Variants in C9orf78 observed in about 807,000 individuals in gnomAD.
C9orf78 encodes the protein splicing factor C9orf78.
C9orf78 carries 19 observed loss-of-function variants against 37.4 expected under a neutral mutation model. That is an observed-to-expected ratio of 0.51 (90% CI 0.35 to 0.74). The LOEUF (loss-of-function observed/expected upper bound fraction) is 0.74. Ranked by LOEUF, C9orf78 falls within the 30% of genes least tolerant of loss-of-function variation. C9orf78 has a pLI of 0.01. For synonymous variants in C9orf78, 130 were observed against 128.0 expected, an observed-to-expected ratio of 1.02 and a Z score of -0.10; for missense variants, 291 against 370.8, an observed-to-expected ratio of 0.78 and a Z score of 1.77.
intron 4 of C9orf78, among the ~76,000 whole-genome samples, chr9:129,833,019 A>ATATG (rs1480479084): frequency 2.6e-4 from 39 of 148,510 alleles, no homozygotes; most frequent in African/African-American, 9.2e-4. Context: ...GTGTGTGTAT[A>ATATG]TGTGTATATA....
chr9:129,829,282 G>A lies in C9orf78; in HGVS notation c.701C>T (p.Ala234Val), dbSNP rs139248631. 117 of 1,609,680 alleles carry A rather than the reference G, an allele frequency of 7.3e-5. No individual in the cohort carries two copies. Among genetic ancestry groups the A allele is most frequent in the African/African-American group, 8.0e-5 (6 of 74,622 alleles). ...CTCTTCTTTGTTTCTCCGTATGGGC[G>A]CGTTGAGCTCCTCATGATAAACTGG... is the stretch of plus-strand genomic sequence containing the variant. ...HNRFYHEELNAPIRRNKEEPK... is the reference protein window; with the variant it reads ...HNRFYHEELNVPIRRNKEEPK... Residue 234 changes from alanine to valine, a missense_variant, in exon 8 of 9, where the codon GCG becomes GTG. Coordinates refer to ENST00000372447, the MANE Select transcript of C9orf78 (RefSeq NM_016520.3).
At chr9:129,835,110 A>G in intron 1 of C9orf78, 29 bp downstream of exon 1, 1 of 1,548,886 alleles carries the variant, frequency 6.5e-7, no homozygotes, top group South Asian at 1.1e-5. Context: ...ATCTTTACCA[A>G]GCCTATGGGA....
At chr9:129,833,891 G>C (rs2031595473) in intron 2 of C9orf78, 182 bp from the exon 3 acceptor site, 3 of 597,600 alleles carry the variant, frequency 5.0e-6, no homozygotes, top group Non-Finnish European at 8.9e-6. Context: ...GAGCACCGCA[G>C]ATGCTGGAAG....
chr9:129,829,220 T>C lies in C9orf78; in HGVS notation c.763A>G (p.Lys255Glu). ...TTGCACTCACGCTCAGGCTCTGGCT[T>C]CTCCGTGTCACCTACTCTCAAGGGC... ...ARPLRVGDTE[K>E]PEPERSPPNR... is the part of the protein sequence containing the mutation. Residue 255 changes from lysine (K) to glutamate (E), a missense_variant, in exon 8 of 9, where the codon AAG becomes GAG. By Grantham distance (56) the Lys-to-Glu change is moderately conservative. Coordinates refer to ENST00000372447, the MANE Select transcript of C9orf78 (RefSeq NM_016520.3). The C allele has an allele frequency of 6.2e-7, 1 of 1,613,498 alleles. No individual in the cohort carries two copies. Among genetic ancestry groups the C allele is most frequent in the South Asian group, 1.1e-5 (1 of 91,052 alleles).
intron 2 of C9orf78, 81 bp downstream of exon 2, chr9:129,834,626 G>A: frequency 3.2e-6 from 3 of 935,202 alleles, no homozygotes; most frequent in South Asian, 1.3e-5. Context: ...CTACGTCTGA[G>A]GAGATATTTG....
rs2031508893 is a variant in C9orf78, at chr9:129,831,946, C to T, written c.294G>A (p.Leu98=). 3 of 1,580,992 alleles carry T rather than the reference C, an allele frequency of 1.9e-6. No individual in the cohort carries two copies. In the South Asian group the frequency reaches 3.3e-5, roughly 17 times the overall value. ...TGGTTTCTGCAGAAAACGATGTCCCCAGGTGCAGGTCCTCCTCCTCACTGA... is the reference window on the plus strand; with the variant it reads ...TGGTTTCTGCAGAAAACGATGTCCCTAGGTGCAGGTCCTCCTCCTCACTGA... ...DKISEEEDLH[L]GTSFSAETNR... Residue 98 remains leucine, a synonymous_variant, in exon 5 of 9, where the codon CTG becomes CTA. Transcript: ENST00000372447.
At chr9:129,831,861 C>T (rs2031506236) in intron 5 of C9orf78, 35 bp downstream of exon 5, 6 of 1,033,298 alleles carry the variant, frequency 5.8e-6, no homozygotes, top group Non-Finnish European at 7.7e-6. Flanking sequence ...GGAGTCCAGC[C>T]CCAACTGCTC....
intron 4 of C9orf78, among the ~76,000 whole-genome samples, chr9:129,833,089 G>GTGTA (rs2031551984): frequency 7.2e-6 from 1 of 138,216 alleles, no homozygotes; most frequent in Non-Finnish European, 1.6e-5. Flanking sequence ...GTGTGTGTGT[G>GTGTA]TATACATACA....
At position 129,830,984 on chromosome 9, in the gene C9orf78, C is replaced by T. The variant is rs2031479956; in HGVS notation, c.429G>A (p.Glu143=). ...TTTCTGGAAGTTCATAAAGACAGTC[C>T]TCTGCATTCTTTGGCTTAACTTTCT... The part of the protein sequence containing the change: ...EEQKVKPKNA[E]DCLYELPENI... Residue 143 remains glutamate, a synonymous_variant, in exon 6 of 9, where the codon GAG becomes GAA. Transcript: ENST00000372447. The T allele has an allele frequency of 6.2e-7, 1 of 1,612,222 alleles. No homozygotes were observed. The highest frequency in any genetic ancestry group is 8.5e-7 in the Non-Finnish European group (1 of 1,178,410).
intron 7 of C9orf78, 34 bp from the exon 8 acceptor site, chr9:129,829,337 C>T (rs761852463): frequency 1.2e-6 from 2 of 1,602,302 alleles, no homozygotes; most frequent in Non-Finnish European, 1.7e-6. Context: ...CACGTTAGAA[C>T]ATGAGGTTCC....
In C9orf78 at chr9:129,835,257, C is replaced by G; in HGVS notation, c.-36G>C. 6.7e-7 allele frequency: 1 copy of G among 1,500,292 alleles called. No individual in the cohort carries two copies. Among genetic ancestry groups the G allele is most frequent in the Non-Finnish European group, 9.2e-7 (1 of 1,089,578 alleles). 92.9% of individuals were successfully genotyped at this position (1,500,292 alleles called of 1,614,324 possible). ...GCCGAGTTGTACAGCCGCCGCGCCT[C>G]TGCGCAGCGGCCCAGGCTGCTTCCG... On this transcript the variant is annotated 5_prime_UTR_variant, in exon 1 of 9. Coordinates refer to ENST00000372447, the MANE Select transcript of C9orf78 (RefSeq NM_016520.3).
intron 5 of C9orf78, 122 bp downstream of exon 5, chr9:129,831,774 A>C: frequency 1.4e-6 from 1 of 726,448 alleles, no homozygotes; most frequent in Non-Finnish European, 2.6e-6. Context: ...GGAAGTAGAA[A>C]GAGAGGGGCC....
Position 129,829,276 on chromosome 9 carries a change from A to G in C9orf78, c.707T>C (p.Ile236Thr). Reference sequence around the variant, plus strand: ...CTTGGGCTCTTCTTTGTTTCTCCGTATGGGCGCGTTGAGCTCCTCATGATA... The same window carrying G: ...CTTGGGCTCTTCTTTGTTTCTCCGTGTGGGCGCGTTGAGCTCCTCATGATA... ...RFYHEELNAP[I>T]RRNKEEPKAR... is the part of the protein sequence containing the mutation. Residue 236 changes from isoleucine (I) to threonine (T), a missense_variant, in exon 8 of 9, where the codon ATA becomes ACA. This residue lies in a region of C9orf78 where 120 missense variants were observed against 148.7 expected (regional missense o/e 0.81). Transcript: ENST00000372447. The G allele has an allele frequency of 6.2e-7, 1 of 1,611,266 alleles. No homozygotes were observed. Among genetic ancestry groups the G allele is most frequent in the Non-Finnish European group, 8.5e-7 (1 of 1,178,860 alleles).
chr9:129,835,015 G>A (rs923249491), intron 1 of C9orf78, 124 bp downstream of exon 1: 30 of 841,852 alleles, frequency 3.6e-5, no homozygotes, highest in Non-Finnish European at 4.8e-5. Flanking sequence ...CAATTTCTGC[G>A]TCCGCAGAAG....
At chr9:129,829,330 G>A (rs773375419) in intron 7 of C9orf78, 27 bp from the exon 8 acceptor site, 12 of 1,601,832 alleles carry the variant, frequency 7.5e-6, no homozygotes, top group Middle Eastern at 1.7e-4. Context: ...CAGGGGACAC[G>A]TTAGAACATG....
chr9:129,831,851 G>A (rs751843591), intron 5 of C9orf78, 45 bp downstream of exon 5: 21 of 888,874 alleles, frequency 2.4e-5, no homozygotes, highest in Non-Finnish European at 1.9e-6. Flanking sequence ...GACTCTGACT[G>A]GAGTCCAGCC....
rs1431971539 is a variant in C9orf78, at chr9:129,828,237, C to A, written c.794G>T (p.Arg265Leu). The A allele has an allele frequency of 1.2e-6, 2 of 1,601,372 alleles. No individual in the cohort carries two copies. Among genetic ancestry groups the A allele is most frequent in the Non-Finnish European group, 8.5e-7 (1 of 1,169,832 alleles). Residue 265 changes from arginine (R) to leucine (L), a missense_variant, in exon 9 of 9, where the codon CGC (arginine) becomes CTC (leucine). Arg to Leu is a moderately radical substitution (Grantham distance 102, BLOSUM62 -2). Coordinates refer to ENST00000372447, the MANE Select transcript of C9orf78 (RefSeq NM_016520.3). ...KPEPERSPPN[R>L]KRPANEKATD... is the part of the protein sequence containing the mutation. Reference sequence around the variant, plus strand: ...TGCCTTCTCGTTAGCAGGACGCTTGCGGTTAGGAGGGGACCCTGAGAAGGA... The same window carrying A: ...TGCCTTCTCGTTAGCAGGACGCTTGAGGTTAGGAGGGGACCCTGAGAAGGA...
intron 1 of C9orf78, 109 bp from the exon 2 acceptor site, chr9:129,834,875 G>A: frequency 1.1e-6 from 1 of 873,110 alleles, no homozygotes; most frequent in African/African-American, 1.6e-5. Context: ...CCCAGCTACT[G>A]AGCCACCAGC....
chr9:129,829,475 G>C lies in C9orf78; in HGVS notation c.609C>G (p.Asn203Lys), dbSNP rs1413312542. The C allele has an allele frequency of 5.6e-6, 9 of 1,613,770 alleles. No individual in the cohort carries two copies. Among genetic ancestry groups the C allele is most frequent in the South Asian group, 2.2e-5 (2 of 91,074 alleles). Residue 203 changes from asparagine to lysine, a missense_variant, in exon 7 of 9, where the codon AAC becomes AAG. Asn to Lys is a moderately conservative substitution (Grantham distance 94). Transcript: ENST00000372447. ...AKARLLAEQQ[N>K]KKKDSETSFV... Reference sequence around the variant, plus strand: ...AGGAGGTCTCGCTGTCTTTCTTCTTGTTCTGCTGCTCTGCCAGCAGACGGG... The same window carrying C: ...AGGAGGTCTCGCTGTCTTTCTTCTTCTTCTGCTGCTCTGCCAGCAGACGGG...
Sources: gnomAD v4.1 joint callset for allele counts (sites outside exome capture counted in the v4.1 genomes callset) on GRCh38, gnomAD v4.1.1 for gene constraint, gnomAD v4.1.1 regional missense constraint, MANE v1.5 for transcripts, NCBI Gene and HGNC (gene_info 2026-07-23, HGNC 2026-07-21) for gene names.